Variants in FSD1 observed in about 807,000 individuals in gnomAD.
FSD1 encodes fibronectin type III and SPRY domain containing 1.
A neutral mutation model predicts 58.2 loss-of-function variants in FSD1; 23 were observed. The observed-to-expected ratio is 0.40, with a 90% CI of 0.28 to 0.56. The LOEUF (loss-of-function observed/expected upper bound fraction) is 0.56. FSD1 is among the 20% of genes least tolerant of loss of function. FSD1 has a pLI of 0.54. For missense variants in FSD1, 563 were observed against 670.8 expected, an observed-to-expected ratio of 0.84 and a Z score of 1.78; for synonymous variants, 265 against 263.4, an observed-to-expected ratio of 1.01 and a Z score of -0.06.
chr19:4,318,820 G>A, intron 9 of FSD1, 52 bp from the exon 10 acceptor site: 1 of 1,423,016 alleles, frequency 7.0e-7, no homozygotes, highest in South Asian at 1.1e-5. Context: ...CCGTGGGAGA[G>A]AGAAGTGTTG....
At chr19:4,307,433 C>T (rs964178109) in intron 3 of FSD1, among the ~76,000 whole-genome samples, 8 of 151,714 alleles carry the variant, frequency 5.3e-5, no homozygotes, top group Admixed American at 1.3e-4. Context: ...AGTTGCACAA[C>T]CTCAGCTCAC....
rs1971735626 is a variant in FSD1, at chr19:4,323,774, G to A, written c.*131G>A. On this transcript the variant is annotated 3_prime_UTR_variant, in exon 13 of 13. Coordinates refer to ENST00000221856, the MANE Select transcript of FSD1 (RefSeq NM_024333.3). The surrounding 1 kb of genome is among the most constrained non-coding windows in gnomAD (Gnocchi z 7.7). ...ACTCCAGATGGGGGGGTCACCAAGAGGGAGTGGGCACCCTGGCGGGCCCTC... is the reference window on the plus strand; with the variant it reads ...ACTCCAGATGGGGGGGTCACCAAGAAGGAGTGGGCACCCTGGCGGGCCCTC... 1 of 671,406 alleles carries A rather than the reference G, an allele frequency of 1.5e-6. No individual in the cohort carries two copies. The highest frequency in any genetic ancestry group is 1.8e-5 in the African/African-American group (1 of 55,294). 41.6% of individuals were successfully genotyped at this position (671,406 alleles called of 1,614,324 possible).
chr19:4,320,480 A>T (rs1039331137), intron 10 of FSD1, among the ~76,000 whole-genome samples: 4 of 152,072 alleles, frequency 2.6e-5, no homozygotes, highest in African/African-American at 9.7e-5. Flanking sequence ...ACTGAGGGGT[A>T]TTTGGACATG....
At chr19:4,309,982 C>G (rs1319922562) in intron 4 of FSD1, among the ~76,000 whole-genome samples, 1 of 151,358 alleles carries the variant, frequency 6.6e-6, no homozygotes, top group African/African-American at 2.4e-5. Context: ...AATCCCAGCA[C>G]TCTGGGAGGC....
chr19:4,313,716 C>CA lies in FSD1; in HGVS notation c.700+1679dup, dbSNP rs545387721. On this transcript the variant is annotated intron_variant, in intron 7 of 12. Transcript: ENST00000221856. ...CTGGTTACAGAGCGAGACTCCGTCTCAAAAAAAAAAAAAACAAAAAGCCAT... is the reference window on the plus strand; with the variant it reads ...CTGGTTACAGAGCGAGACTCCGTCTCAAAAAAAAAAAAAAACAAAAAGCCAT... Among the ~76,000 whole-genome samples the CA allele has an allele frequency of 6.9e-3, 695 of 100,930 alleles. 2 individuals are homozygous for CA. The highest frequency in any genetic ancestry group is 8.5e-3 in the Non-Finnish European group (422 of 49,658). The allele number at this position is 100,930 out of a possible 152,430, so 66.2% of individuals were successfully genotyped here. A position where few individuals can be genotyped will look rare whatever the true frequency, so the allele number is the denominator to read the frequency against.
In FSD1 at chr19:4,319,090, G is replaced by A. The variant is rs1971787016; in HGVS notation, c.1039+139G>A. The A allele has an allele frequency of 1.3e-5, 9 of 683,162 alleles. No individual in the cohort carries two copies. The South Asian group carries it at 1.5e-4, about 11-fold the overall frequency. The allele number at this position is 683,162 out of a possible 1,614,324, so 42.3% of individuals were successfully genotyped here. A position where few individuals can be genotyped will look rare whatever the true frequency, so the allele number is the denominator to read the frequency against. ...TGCTCCCGGAATAACAGGTTGTTCTGGCACTGCCCAAATGGAAATATTTCG... is the reference window on the plus strand; with the variant it reads ...TGCTCCCGGAATAACAGGTTGTTCTAGCACTGCCCAAATGGAAATATTTCG... On this transcript the variant is annotated intron_variant, in intron 10 of 12. Transcript: ENST00000221856.
Position 4,323,060 on chromosome 19 carries a change from G to A in FSD1, c.1114G>A (p.Gly372Ser), listed in dbSNP as rs1279877532. Residue 372 changes from glycine to serine, a missense_variant, in exon 11 of 13, where the codon GGC becomes AGC. Transcript: ENST00000221856. The surrounding 1 kb of genome is among the most constrained non-coding windows in gnomAD (Gnocchi z 7.7). ...GCCGGACAGCAAGGCGTTCGGCGTG[G>A]GCGTGGCCTACCGCAGCCTGGGCCG... The part of the protein sequence containing the change: ...YEPDSKAFGV[G>S]VAYRSLGRFE... 1 of 1,611,782 alleles carries A rather than the reference G, an allele frequency of 6.2e-7. No individual in the cohort carries two copies. Among genetic ancestry groups the A allele is most frequent in the Admixed American group, 1.7e-5 (1 of 59,950 alleles).
At chr19:4,314,859 A>G (rs1178312305) in intron 7 of FSD1, among the ~76,000 whole-genome samples, 3 of 152,202 alleles carry the variant, frequency 2.0e-5, no homozygotes, top group Non-Finnish European at 4.4e-5. Flanking sequence ...TCATGTCACC[A>G]CCAACACCAC....
intron 4 of FSD1, 70 bp downstream of exon 4, chr19:4,308,053 C>A: frequency 1.6e-6 from 2 of 1,251,798 alleles, no homozygotes; most frequent in Non-Finnish European, 1.1e-6. Flanking sequence ...GGTGAACAAG[C>A]ACATTTTTAG....
At chr19:4,310,870 G>C (rs907427882) in intron 6 of FSD1, 7 of 364,218 alleles carry the variant, frequency 1.9e-5, no homozygotes, top group Admixed American at 1.3e-4. Flanking sequence ...ACCATGTCCT[G>C]TGGGGTTGGT....
At chr19:4,313,519 A>G (rs1196951854) in intron 7 of FSD1, among the ~76,000 whole-genome samples, 2 of 151,506 alleles carry the variant, frequency 1.3e-5, no homozygotes, top group Admixed American at 1.3e-4. Flanking sequence ...CGAGATTGAG[A>G]CCAGCCTGAC....
chr19:4,307,883 A>T lies in FSD1; in HGVS notation c.245A>T (p.Asn82Ile), dbSNP rs1340385438. 6.2e-7 allele frequency: 1 copy of T among 1,612,586 alleles called. No individual in the cohort carries two copies. The highest frequency in any genetic ancestry group is 1.7e-5 in the Admixed American group (1 of 59,842). Residue 82 changes from asparagine to isoleucine, a missense_variant and splice_region_variant, in exon 4 of 13, where the codon AAC becomes ATC. Asn to Ile is a moderately radical substitution (Grantham distance 149). Coordinates refer to ENST00000221856, the MANE Select transcript of FSD1 (RefSeq NM_024333.3). Reference sequence around the variant, plus strand: ...TCCTTTGGTGCCTGGTATCCACAGAACCAGCTGGCTGCCTGCACGCGGGCC... The same window carrying T: ...TCCTTTGGTGCCTGGTATCCACAGATCCAGCTGGCTGCCTGCACGCGGGCC... ...DRASRTYELQ[N>I]QLAACTRALE...
chr19:4,304,815 G>T (rs1365611778), intron 1 of FSD1, 54 bp downstream of exon 1: 1 of 522,738 alleles, frequency 1.9e-6, no homozygotes, highest in South Asian at 1.0e-4. Flanking sequence ...GCGGGGAAGG[G>T]GACCAGGTGT....
In FSD1 at chr19:4,323,340, G is replaced by A. The variant is rs774880132; in HGVS notation, c.1292-8G>A. ...CGGTCCCACTGTCACTCTGCCCCCC[G>A]ACCCCAGGCCTCCTGTCCTTCTACA... On this transcript the variant is annotated splice_polypyrimidine_tract_variant and splice_region_variant and intron_variant, in intron 11 of 12. Transcript: ENST00000221856. This position sits in a 1 kb window ranked among gnomAD's most constrained non-coding sequence, Gnocchi z 7.7. 9 of 1,611,776 alleles carry A rather than the reference G, an allele frequency of 5.6e-6. No individual in the cohort carries two copies. The East Asian group carries it at 6.7e-5, about 12-fold the overall frequency.
chr19:4,307,256 A>G (rs1243840299), intron 3 of FSD1, among the ~76,000 whole-genome samples: 1 of 151,808 alleles, frequency 6.6e-6, no homozygotes, highest in Non-Finnish European at 1.5e-5. Flanking sequence ...GGTTTTCACC[A>G]TGTTGCCTAG....
chr19:4,318,411 G>T lies in FSD1; in HGVS notation c.865G>T (p.Glu289Ter), dbSNP rs771186500. The stretch of plus-strand genomic sequence containing the variant: ...CCTGCGGGTGGATGATCTCTCCGTG[G>T]AGTGGGACGCTATGGGCGGGAAGGT... ...QNLRVDDLSVEWDAMGGKVQD... is the reference protein window; with the variant it reads ...QNLRVDDLSV Residue 289 changes from glutamate (E) to a stop codon, truncating the protein, a stop_gained, in exon 9 of 13, where the codon GAG (glutamate) becomes TAG (stop). Transcript: ENST00000221856. LOFTEE classifies it high-confidence loss of function. The T allele has an allele frequency of 1.2e-6, 2 of 1,613,798 alleles. No homozygotes were observed. The highest frequency in any genetic ancestry group is 1.3e-5 in the African/African-American group (1 of 74,880).
chr19:4,309,461 G>C (rs1971663373), intron 4 of FSD1, among the ~76,000 whole-genome samples: 1 of 152,298 alleles, frequency 6.6e-6, no homozygotes, highest in African/African-American at 2.4e-5. Flanking sequence ...TGTATGGGCT[G>C]GGTGTGGGCA....
rs1260310663 is a variant in FSD1 at position 4,318,338 on chromosome 19, G to T, written c.800-8G>T. On this transcript the variant is annotated splice_region_variant and splice_polypyrimidine_tract_variant and intron_variant, in intron 8 of 12. Coordinates refer to ENST00000221856, the MANE Select transcript of FSD1 (RefSeq NM_024333.3). The stretch of plus-strand genomic sequence containing the variant: ...ATCTCTGTGACTCCCACGTCTGCCC[G>T]GCCCCAGCGTTCATGTTCCGCCTGG... 6.2e-7 allele frequency: 1 copy of T among 1,613,544 alleles called. No homozygotes were observed. Among genetic ancestry groups the T allele is most frequent in the Non-Finnish European group, 8.5e-7 (1 of 1,179,964 alleles).
In FSD1 at chr19:4,323,149, C is replaced by G; in HGVS notation, c.1203C>G (p.Val401=). 1.2e-6 allele frequency: 2 copies of G among 1,605,316 alleles called. No homozygotes were observed. The highest frequency in any genetic ancestry group is 1.1e-5 in the South Asian group (1 of 91,086). ...WCLHVNNWLQ[V]SFTAKHANKV... is the part of the protein sequence containing the mutation. ...TGCACGTCAACAATTGGCTGCAGGT[C>G]AGCTTCACGGCCAAGCACGCCAACA... The change falls in exon 11 of 13, where the codon GTC becomes GTG. Residue 401 remains valine (V), a synonymous_variant. Coordinates refer to ENST00000221856, the MANE Select transcript of FSD1 (RefSeq NM_024333.3). This position sits in a 1 kb window ranked among gnomAD's most constrained non-coding sequence, Gnocchi z 7.7.
Sources: gnomAD v4.1 joint callset for allele counts (sites outside exome capture counted in the v4.1 genomes callset) on GRCh38, gnomAD v4.1.1 for gene constraint, Gnocchi (gnomAD v3.1) non-coding constraint, MANE v1.5 for transcripts, NCBI Gene and HGNC (gene_info 2026-07-23, HGNC 2026-07-21) for gene names.